DGKH: variants seen among roughly 807,000 people sequenced by gnomAD.
DGKH encodes DAG kinase eta.
In DGKH, 90 loss-of-function variants were observed where a neutral mutation model predicts 159.3. The observed-to-expected ratio is 0.57, with a 90% CI of 0.48 to 0.67. The LOEUF (loss-of-function observed/expected upper bound fraction) is 0.67, where lower values mean the gene tolerates loss of function less well. Ranked by LOEUF, DGKH falls within the 30% of genes least tolerant of loss-of-function variation. DGKH has a pLI of 0.00. For synonymous variants in DGKH, 536 were observed against 553.8 expected (o/e 0.97, Z 0.45); for missense variants, 1,181 against 1,506.1 (o/e 0.78, Z 3.57).
Position 42,230,461 on chromosome 13 carries a change from A to G in DGKH, c.*1273A>G, listed in dbSNP as rs1340620477. ...TTAGAAGTCAACATTACAATGATCA[A>G]ATCTTTGAAAGCCAAAGGCATACGT... is the stretch of plus-strand genomic sequence containing the variant. On this transcript the variant is annotated 3_prime_UTR_variant, in exon 30 of 30. Coordinates refer to ENST00000337343, the MANE Select transcript of DGKH (RefSeq NM_178009.5). 6.6e-6 allele frequency: 1 copy of G among 152,144 alleles called. No individual in the cohort carries two copies. The highest frequency in any genetic ancestry group is 2.4e-5 in the African/African-American group (1 of 41,448). 9.4% of individuals were successfully genotyped at this position (152,144 alleles called of 1,614,324 possible).
chr13:42,145,931 T>A (rs1955717028), intron 3 of DGKH, among the ~76,000 whole-genome samples: 1 of 152,194 alleles, frequency 6.6e-6, no homozygotes, highest in Non-Finnish European at 1.5e-5. Flanking sequence ...GCTGAGTGTT[T>A]GGCCTTTGTG....
At chr13:42,247,229 C>CTT (rs71096565), downstream of DGKH, among the ~76,000 whole-genome samples, 8 of 101,400 alleles carry the variant, frequency 7.9e-5, no homozygotes, top group East Asian at 2.8e-4. Flanking sequence ...ACTATGTATA[C>CTT]TTTTTTTTTT....
chr13:42,046,952 A>G (rs1880827210), upstream of DGKH, among the ~76,000 whole-genome samples: 1 of 152,214 alleles, frequency 6.6e-6, no homozygotes, highest in Non-Finnish European at 1.5e-5. Context: ...AAAATATTGG[A>G]CTTGTCCATG....
At chr13:42,249,846 T>C (rs1013393766) in intron 29 of DGKH, among the ~76,000 whole-genome samples, 1 of 152,204 alleles carries the variant, frequency 6.6e-6, no homozygotes, top group African/African-American at 2.4e-5. Context: ...CTAGAATCTC[T>C]TGGGAAGGGG....
intron 16 of DGKH, among the ~76,000 whole-genome samples, chr13:42,194,112 A>G (rs1160854988): frequency 6.6e-6 from 1 of 152,162 alleles, no homozygotes; most frequent in African/African-American, 2.4e-5. Context: ...CGTTCATTTC[A>G]CTTGAAGATG....
At chr13:42,200,418 GAA>G (rs1957319887) in intron 20 of DGKH, among the ~76,000 whole-genome samples, 1 of 152,146 alleles carries the variant, frequency 6.6e-6, no homozygotes, top group Non-Finnish European at 1.5e-5. Context: ...ATTAAGGACA[GAA>G]AAAGTTATTT....
chr13:42,207,239 G>T (rs1594208815), intron 21 of DGKH, among the ~76,000 whole-genome samples: 1 of 146,610 alleles, frequency 6.8e-6, no homozygotes, highest in South Asian at 2.2e-4. Context: ...GCTCAGACTG[G>T]AGTGCAATGG....
At chr13:42,044,409 C>A (rs527762229), upstream of DGKH, among the ~76,000 whole-genome samples, 1 of 152,272 alleles carries the variant, frequency 6.6e-6, no homozygotes, top group East Asian at 1.9e-4. Context: ...CCTGCCTCAG[C>A]CTCCCAAGTA....
At position 42,159,258 on chromosome 13, in the gene DGKH, T is replaced by TTTTTTTTTTTTTTTTTTTTTTTTTTTTC; in HGVS notation, c.623-3_623-2insTTTTTTTTTTTTTTTTTTTTTTCTTTTT. 1 of 1,086,212 alleles carries TTTTTTTTTTTTTTTTTTTTTTTTTTTTC rather than the reference T, an allele frequency of 9.2e-7. No individual in the cohort carries two copies. Among genetic ancestry groups the TTTTTTTTTTTTTTTTTTTTTTTTTTTTC allele is most frequent in the Non-Finnish European group, 1.3e-6 (1 of 771,356 alleles). 67.3% of individuals were successfully genotyped at this position (1,086,212 alleles called of 1,614,324 possible). ...AAGCAGTTGCTCTTTTTTTTTTTTT[T>TTTTTTTTTTTTTTTTTTTTTTTTTTTTC]TTTTTAGTGTGTAAATTCAAGGCTC... On this transcript the variant is annotated splice_polypyrimidine_tract_variant and splice_region_variant and intron_variant, in intron 5 of 29. Transcript: ENST00000337343.
chr13:42,126,937 G>A (rs1955183110), intron 1 of DGKH, among the ~76,000 whole-genome samples: 2 of 152,186 alleles, frequency 1.3e-5, no homozygotes, highest in Admixed American at 6.6e-5. Flanking sequence ...TATACACCAT[G>A]CACTAAGTCC....
At chr13:42,143,746 T>C (rs890044480) in intron 3 of DGKH, among the ~76,000 whole-genome samples, 1 of 152,178 alleles carries the variant, frequency 6.6e-6, no homozygotes, top group East Asian at 1.9e-4. Context: ...AGTGGTGATA[T>C]CCCCTTTATC....
chr13:42,192,920 C>T (rs574819738), intron 16 of DGKH, among the ~76,000 whole-genome samples: 2 of 152,302 alleles, frequency 1.3e-5, no homozygotes, highest in South Asian at 4.1e-4. Flanking sequence ...TACCCATACA[C>T]TACTCATTAA....
chr13:42,130,472 A>G (rs566360943), intron 3 of DGKH, among the ~76,000 whole-genome samples: 25 of 152,304 alleles, frequency 1.6e-4, no homozygotes, highest in African/African-American at 5.3e-4. Context: ...CCCTCAAGAT[A>G]TTCCTGACGT....
At chr13:42,089,497 A>G (rs1355153155) in intron 1 of DGKH, among the ~76,000 whole-genome samples, 1 of 152,208 alleles carries the variant, frequency 6.6e-6, no homozygotes, top group Non-Finnish European at 1.5e-5. Context: ...AAATCAAGGT[A>G]TTAGCAAAGC....
intron 1 of DGKH, among the ~76,000 whole-genome samples, chr13:42,108,899 G>A (rs1386814970): frequency 1.3e-5 from 2 of 152,166 alleles, no homozygotes; most frequent in Admixed American, 1.3e-4. Context: ...ATTTTTTAAA[G>A]CGGTTTTGTC....
At position 42,189,156 on chromosome 13, in the gene DGKH, T is replaced by C; in HGVS notation, c.1759T>C (p.Ser587Pro). ...TGTGGAAGAAGATGCTGTGGAATCG[T>C]CCAGTGAAGAGTCCCTGGGTGAAAG... ...LIVEEDAVES[S>P]SEESLGESKE... The change falls in exon 15 of 30, where the codon TCC (serine) becomes CCC (proline). Residue 587 changes from serine to proline, a missense_variant. Around this residue, in one of 5 missense-constraint regions of DGKH, gnomAD observed 257 missense variants for 281.5 expected, o/e 0.91. Transcript: ENST00000337343. 1 of 1,614,242 alleles carries C rather than the reference T, an allele frequency of 6.2e-7. No homozygotes were observed. Among genetic ancestry groups the C allele is most frequent in the Non-Finnish European group, 8.5e-7 (1 of 1,180,032 alleles).
At chr13:42,155,230 GT>G in intron 3 of DGKH, 60 bp from the exon 4 acceptor site, 1 of 1,318,816 alleles carries the variant, frequency 7.6e-7, no homozygotes. Context: ...AAGATGTTAG[GT>G]TTTGCAACAA....
intron 1 of DGKH, among the ~76,000 whole-genome samples, chr13:42,041,769 G>C (rs1880523375): frequency 6.6e-6 from 1 of 152,120 alleles, no homozygotes; most frequent in Non-Finnish European, 1.5e-5. Context: ...TCCACGCCCT[G>C]CCTCGATATT....
intron 3 of DGKH, chr13:42,138,155 A>T: frequency 4.1e-6 from 4 of 976,536 alleles, no homozygotes; most frequent in Non-Finnish European, 4.9e-6. Flanking sequence ...TCAAGGTTAG[A>T]TGGCTAATAG....
Sources: allele counts gnomAD v4.1 joint callset (sites outside exome capture counted in the v4.1 genomes callset), GRCh38; gene constraint gnomAD v4.1.1; regional missense constraint gnomAD v4.1.1; transcripts MANE v1.5; gene names NCBI Gene and HGNC (gene_info 2026-07-23, HGNC 2026-07-21).